Variants in ABCC4 observed in about 807,000 individuals in gnomAD.
The protein encoded by ABCC4 is ATP binding cassette subfamily C member 4 (PEL blood group), also known as ATP-binding cassette sub-family C member 4.
In ABCC4, 102 loss-of-function variants were observed where a neutral mutation model predicts 168.5. The observed-to-expected ratio is 0.61, with a 90% CI of 0.52 to 0.71. The LOEUF (loss-of-function observed/expected upper bound fraction) is 0.71. ABCC4 is among the 30% of genes least tolerant of loss of function. The pLI is 0.00. For missense variants in ABCC4, 1,402 were observed against 1,605.8 expected (o/e 0.87, Z 2.17); for synonymous variants, 617 against 590.7 (o/e 1.04, Z -0.65).
At chr13:95,296,613 A>C (rs1006610131) in intron 1 of ABCC4, among the ~76,000 whole-genome samples, 1 of 152,150 alleles carries the variant, frequency 6.6e-6, no homozygotes, top group African/African-American at 2.4e-5. Flanking sequence ...GGCCAGATGC[A>C]TCTGGAGATC....
intron 29 of ABCC4, among the ~76,000 whole-genome samples, chr13:95,038,160 A>G (rs563482054): frequency 6.6e-6 from 1 of 152,244 alleles, no homozygotes; most frequent in South Asian, 2.1e-4. Context: ...ATGGCCCAAG[A>G]AAACAAACTT....
At chr13:95,266,473 T>C (rs2040677692) in intron 1 of ABCC4, among the ~76,000 whole-genome samples, 6 of 152,328 alleles carry the variant, frequency 3.9e-5, no homozygotes, top group African/African-American at 7.2e-5. Flanking sequence ...TCTATTGTCT[T>C]AAACCACCAA....
At chr13:95,143,956 T>A (rs1273835023) in intron 19 of ABCC4, among the ~76,000 whole-genome samples, 2 of 152,184 alleles carry the variant, frequency 1.3e-5, no homozygotes, top group East Asian at 3.8e-4. Context: ...ATGTAACAGC[T>A]GAGTAAACAT....
At chr13:95,111,779 C>T (rs2035213070) in intron 20 of ABCC4, among the ~76,000 whole-genome samples, 1 of 152,228 alleles carries the variant, frequency 6.6e-6, no homozygotes, top group South Asian at 2.1e-4. Flanking sequence ...AATCTGGTCA[C>T]ATGTAAACCA....
intron 19 of ABCC4, among the ~76,000 whole-genome samples, chr13:95,159,941 G>T (rs113010161): frequency 6.6e-6 from 1 of 152,150 alleles, no homozygotes; most frequent in Non-Finnish European, 1.5e-5. Flanking sequence ...ACTAACATTC[G>T]TTAGGCACTG....
intron 26 of ABCC4, among the ~76,000 whole-genome samples, chr13:95,061,321 C>T (rs1019864615): frequency 6.6e-6 from 1 of 152,112 alleles, no homozygotes; most frequent in African/African-American, 2.4e-5. Context: ...TTTTACATTC[C>T]CACCAACAGT....
chr13:95,214,481 C>A (rs1282911082), intron 4 of ABCC4, among the ~76,000 whole-genome samples: 1 of 152,006 alleles, frequency 6.6e-6, no homozygotes, highest in Non-Finnish European at 1.5e-5. Context: ...GAGATCTATA[C>A]CTAGACACAC....
rs377488927 is a variant in ABCC4, at chr13:95,226,514, T to TA, written c.531+8095dup. ...CCAACTTAATTCAATGGGGAAAGAG[T>TA]AGTCTTCAACAAGTTGTTATCAGGA... On this transcript the variant is annotated intron_variant, in intron 4 of 30. Transcript: ENST00000645237. Among the ~76,000 whole-genome samples, 1,081 of 151,934 alleles carry TA rather than the reference T, an allele frequency of 7.1e-3. 1 individual carries two copies. The highest frequency in any genetic ancestry group is 0.012 in the Non-Finnish European group (825 of 67,950).
At chr13:95,036,369 T>C (rs2032119863) in intron 29 of ABCC4, among the ~76,000 whole-genome samples, 1 of 152,226 alleles carries the variant, frequency 6.6e-6, no homozygotes, top group Admixed American at 6.5e-5. Flanking sequence ...TACTACTATT[T>C]GGTCCTTGTC....
chr13:95,025,221 C>A (rs79300363), intron 30 of ABCC4, among the ~76,000 whole-genome samples: 37 of 41,558 alleles, frequency 8.9e-4, no homozygotes, highest in Non-Finnish European at 1.4e-3. Context: ...CCCCACACAC[C>A]CCCACACACA....
intron 11 of ABCC4, among the ~76,000 whole-genome samples, chr13:95,182,210 A>C (rs988906307): frequency 3.3e-5 from 5 of 152,248 alleles, no homozygotes. Flanking sequence ...GCAATCTAAA[A>C]AGAAAATGTC....
intron 1 of ABCC4, among the ~76,000 whole-genome samples, chr13:95,286,081 T>C (rs1192580445): frequency 2.0e-5 from 3 of 151,882 alleles, no homozygotes; most frequent in African/African-American, 7.3e-5. Flanking sequence ...CTGGGGCAAT[T>C]TCAGCCTTGT....
intron 29 of ABCC4, among the ~76,000 whole-genome samples, chr13:95,042,699 TA>T: frequency 6.6e-6 from 1 of 152,378 alleles, no homozygotes; most frequent in Middle Eastern, 3.4e-3. Context: ...GCTTGTGAAC[TA>T]GACATTTATG....
chr13:95,106,868 T>A (rs1302198325), intron 20 of ABCC4, among the ~76,000 whole-genome samples: 1 of 152,156 alleles, frequency 6.6e-6, no homozygotes, highest in Non-Finnish European at 1.5e-5. Context: ...AGATTCTATT[T>A]CTCTTTCACA....
intron 3 of ABCC4, among the ~76,000 whole-genome samples, chr13:95,241,697 T>C (rs1217112835): frequency 6.6e-6 from 1 of 151,410 alleles, no homozygotes; most frequent in African/African-American, 2.4e-5. Flanking sequence ...CTAGTACTTG[T>C]TTCTCTGGGC....
chr13:95,029,764 C>T (rs998519709), intron 30 of ABCC4, among the ~76,000 whole-genome samples: 1 of 152,168 alleles, frequency 6.6e-6, no homozygotes, highest in Non-Finnish European at 1.5e-5. Flanking sequence ...TTGTAAAACA[C>T]CTTATATTCT....
rs140605366 is a variant in ABCC4 at position 95,081,747 on chromosome 13, T to C, written c.2686+1393A>G. 1.9e-3 allele frequency among the ~76,000 whole-genome samples: 295 copies of C among 152,300 alleles called. 2 individuals carry two copies. The highest frequency in any genetic ancestry group is 6.7e-3 in the African/African-American group (279 of 41,552). On this transcript the variant is annotated intron_variant, in intron 21 of 30. Coordinates refer to ENST00000645237, the MANE Select transcript of ABCC4 (RefSeq NM_005845.5). ...CAGGTGCAGCAGTACACACCTGTAG[T>C]TCCAGCACTTTGGGAGGCTGAGGCA... is the stretch of plus-strand genomic sequence containing the variant.
At chr13:95,227,450 G>A (rs2039497388) in intron 4 of ABCC4, among the ~76,000 whole-genome samples, 1 of 152,202 alleles carries the variant, frequency 6.6e-6, no homozygotes, top group Non-Finnish European at 1.5e-5. Flanking sequence ...TATGGACAAT[G>A]TAAGAAGCAC....
At chr13:95,241,629 G>T (rs1327125772) in intron 3 of ABCC4, among the ~76,000 whole-genome samples, 1 of 152,082 alleles carries the variant, frequency 6.6e-6, no homozygotes, top group Non-Finnish European at 1.5e-5. Flanking sequence ...CTGGAAATTT[G>T]CGGGCTGTTC....
Sources: gnomAD v4.1 joint callset for allele counts (sites outside exome capture counted in the v4.1 genomes callset) on GRCh38, gnomAD v4.1.1 for gene constraint, MANE v1.5 for transcripts, NCBI Gene and HGNC (gene_info 2026-07-23, HGNC 2026-07-21) for gene names.